CHD1: variants seen among roughly 807,000 people sequenced by gnomAD.
CHD1 encodes the protein ATP-dependent chromatin remodeler CHD1.
Under a neutral mutation model 224.2 loss-of-function variants are expected in CHD1, and 36 were observed. That is an observed-to-expected ratio of 0.16 (90% CI 0.12 to 0.21). The LOEUF (loss-of-function observed/expected upper bound fraction) is 0.21. Ranked by LOEUF, CHD1 falls within the 10% of genes least tolerant of loss-of-function variation. The pLI, the probability that CHD1 is intolerant of heterozygous loss-of-function variation, is 1.00. For synonymous variants in CHD1, 668 were observed against 658.3 expected (o/e 1.01, Z -0.23); for missense variants, 1,378 against 1,994.8 (o/e 0.69, Z 5.89).
chr5:98,926,938 G>A (rs539353553), intron 1 of CHD1, among the ~76,000 whole-genome samples: 4 of 141,738 alleles, frequency 2.8e-5, no homozygotes, highest in Non-Finnish European at 6.1e-5. Context: ...GGTGGGAGGA[G>A]GTTACCTTTA....
chr5:98,875,310 T>C (rs553672401), intron 24 of CHD1, among the ~76,000 whole-genome samples, 197 bp from the exon 25 acceptor site: 18 of 152,260 alleles, frequency 1.2e-4, no homozygotes, highest in African/African-American at 4.1e-4. Context: ...CAAGGTAAAT[T>C]AACATCCAAG....
chr5:98,881,725 G>A (rs1368928108), intron 20 of CHD1, among the ~76,000 whole-genome samples: 1 of 152,066 alleles, frequency 6.6e-6, no homozygotes, highest in African/African-American at 2.4e-5. Flanking sequence ...GCCTAGTGCA[G>A]TATATTTATT....
In CHD1 at chr5:98,904,961, G is replaced by A; in HGVS notation, c.191C>T (p.Ser64Phe). 1 of 1,610,990 alleles carries A rather than the reference G, an allele frequency of 6.2e-7. No homozygotes were observed. The highest frequency in any genetic ancestry group is 8.5e-7 in the Non-Finnish European group (1 of 1,177,212). Residue 64 changes from serine (S) to phenylalanine (F), a missense_variant, in exon 3 of 36, where the codon TCT becomes TTT. Physicochemically the swap from Ser to Phe is radical, Grantham distance 155. Transcript: ENST00000614616. ...SGSESGSQSE[S>F]ESDTSRENKV... ...GTTTTCTCGGGAAGTGTCTGACTCA[G>A]ACTCTGACTGACTGCCTGATTCAGA...
intron 7 of CHD1, among the ~76,000 whole-genome samples, chr5:98,900,281 CAAAA>C (rs77593613): frequency 2.2e-5 from 2 of 92,568 alleles, no homozygotes; most frequent in Non-Finnish European, 2.3e-5. Context: ...GATTCTGTCA[CAAAA>C]AAAAAAAAAA....
At chr5:98,860,198 A>C in intron 32 of CHD1, 130 bp from the exon 33 acceptor site, 1 of 671,814 alleles carries the variant, frequency 1.5e-6, no homozygotes, top group Non-Finnish European at 2.8e-6. Flanking sequence ...CAAACTCTTA[A>C]GGATATTAAT....
chr5:98,867,795 GTTTTTTTTTTTTT>G (rs71619163), intron 31 of CHD1, among the ~76,000 whole-genome samples: 2 of 98,064 alleles, frequency 2.0e-5, no homozygotes, highest in Non-Finnish European at 3.9e-5. Flanking sequence ...TATCTTCCTT[GTTTTTTTTTTTTT>G]TTTTTTTTTT....
In CHD1 at chr5:98,868,305, C is replaced by T. The variant is rs555133732; in HGVS notation, c.4248+190G>A. On this transcript the variant is annotated intron_variant, in intron 31 of 35. Coordinates refer to ENST00000614616, the MANE Select transcript of CHD1 (RefSeq NM_001270.4). ...CTGCACCACTGAACTCCAGCCTGGG[C>T]GACAGTGAGATGCTAACTCAAAAAA... 2.4e-4 allele frequency among the ~76,000 whole-genome samples: 33 copies of T among 135,744 alleles called. No homozygotes were observed. The South Asian group carries it at 3.9e-3, about 16-fold the overall frequency. 89.1% of individuals were successfully genotyped at this position (135,744 alleles called of 152,430 possible).
intron 35 of CHD1, 36 bp from the exon 36 acceptor site, chr5:98,856,761 T>C (rs692832): frequency 0.27 from 347,930 of 1,304,944 alleles, 51,882 homozygotes; most frequent in African/African-American, 0.55. Flanking sequence ...AGACAAATCA[T>C]GCAAATTAAA....
chr5:98,928,005 G>A (rs972849625), intron 1 of CHD1, among the ~76,000 whole-genome samples: 1 of 152,108 alleles, frequency 6.6e-6, no homozygotes, highest in African/African-American at 2.4e-5. Flanking sequence ...AGCGGCACTC[G>A]AAAGAGGTTT....
chr5:98,905,733 T>C (rs188971508), intron 2 of CHD1, among the ~76,000 whole-genome samples: 16 of 152,308 alleles, frequency 1.1e-4, no homozygotes, highest in Admixed American at 5.2e-4. Flanking sequence ...AAATCTGAAA[T>C]AGCAAATTCT....
At chr5:98,874,698 A>T (rs1328021164) in intron 25 of CHD1, among the ~76,000 whole-genome samples, 1 of 150,604 alleles carries the variant, frequency 6.6e-6, no homozygotes, top group African/African-American at 2.4e-5. Flanking sequence ...GGAGACAGTG[A>T]GAGACTCCAT....
chr5:98,901,119 A>T, intron 6 of CHD1, 37 bp from the exon 7 acceptor site: 1 of 1,567,852 alleles, frequency 6.4e-7, no homozygotes, highest in Non-Finnish European at 8.6e-7. Flanking sequence ...ACAAGATTTG[A>T]GAAACTATAT....
intron 2 of CHD1, among the ~76,000 whole-genome samples, chr5:98,911,162 T>A (rs1400125469): frequency 1.2e-4 from 16 of 129,720 alleles, no homozygotes; most frequent in Non-Finnish European, 1.8e-4. Context: ...TATATATATA[T>A]ATATATATAT....
rs1310513011 is a variant in CHD1, at chr5:98,902,918, T to C, written c.419A>G (p.Lys140Arg). Residue 140 changes from lysine to arginine, a missense_variant, in exon 5 of 36, where the codon AAA (lysine) becomes AGA (arginine). By Grantham distance (26) the Lys-to-Arg change is conservative (BLOSUM62 2). Around this residue, in one of 16 missense-constraint regions of CHD1, gnomAD observed 306 missense variants for 298.1 expected, o/e 1.03. Transcript: ENST00000614616. ...EDSDDSSSEV[K>R]RKKHKDEDWQ... ...GACATACTCTTTATGCTTTTTCCTT[T>C]TGACCTCACTTGATGAGTCATCGGA... 1.2e-6 allele frequency: 2 copies of C among 1,604,794 alleles called. No homozygotes were observed. Among genetic ancestry groups the C allele is most frequent in the Non-Finnish European group, 1.7e-6 (2 of 1,173,692 alleles).
chr5:98,906,659 TG>T (rs1382631560), intron 2 of CHD1, among the ~76,000 whole-genome samples: 5 of 152,202 alleles, frequency 3.3e-5, no homozygotes, highest in Non-Finnish European at 5.9e-5. Context: ...TTCCCATGTA[TG>T]GGGAGCACTA....
At chr5:98,863,319 T>C (rs1022290059) in intron 32 of CHD1, 89 bp downstream of exon 32, 1 of 729,526 alleles carries the variant, frequency 1.4e-6, no homozygotes, top group Admixed American at 3.9e-5. Context: ...TCTTGTTACC[T>C]AAACTTCAGA....
chr5:98,858,402 G>A lies in CHD1; in HGVS notation c.4577-12C>T. ...TAATCTTTCCACATCTGTTAGATAAGTACAACTTTTATTAATGACCTTAAA... is the reference window on the plus strand; with the variant it reads ...TAATCTTTCCACATCTGTTAGATAAATACAACTTTTATTAATGACCTTAAA... On this transcript the variant is annotated splice_polypyrimidine_tract_variant and intron_variant, in intron 34 of 35. Coordinates refer to ENST00000614616, the MANE Select transcript of CHD1 (RefSeq NM_001270.4). The A allele has an allele frequency of 6.3e-7, 1 of 1,594,618 alleles. No homozygotes were observed. Among genetic ancestry groups the A allele is most frequent in the Non-Finnish European group, 8.6e-7 (1 of 1,165,794 alleles).
intron 14 of CHD1, 58 bp from the exon 15 acceptor site, chr5:98,892,771 G>A: frequency 1.1e-5 from 13 of 1,192,202 alleles, no homozygotes; most frequent in Non-Finnish European, 9.0e-6. Context: ...TGTATGTTGT[G>A]TATGAACTTT....
chr5:98,926,930 T>A (rs199575046), intron 1 of CHD1, among the ~76,000 whole-genome samples: 13 of 27,758 alleles, frequency 4.7e-4, no homozygotes, highest in South Asian at 3.7e-3. Flanking sequence ...GGGGGGGGGG[T>A]GGGAGGAGGT....
Sources: allele counts gnomAD v4.1 joint callset (sites outside exome capture counted in the v4.1 genomes callset), GRCh38; gene constraint gnomAD v4.1.1; regional missense constraint gnomAD v4.1.1; transcripts MANE v1.5; gene names NCBI Gene and HGNC (gene_info 2026-07-23, HGNC 2026-07-21).